C13orf42: variants seen among roughly 807,000 people sequenced by gnomAD.
C13orf42 encodes uncharacterized protein C13orf42.
intron 1 of C13orf42, among the ~76,000 whole-genome samples, chr13:51,097,550 C>CAACT (rs1392702309): frequency 6.6e-6 from 1 of 152,162 alleles, no homozygotes; most frequent in Non-Finnish European, 1.5e-5. Flanking sequence ...TTCCATGGGG[C>CAACT]TTTCTAACCT....
rs958053437 is a variant in C13orf42, at chr13:51,110,804, C to A, written c.406G>T (p.Glu136Ter). The A allele has an allele frequency of 2.5e-6, 1 of 398,552 alleles. No individual in the cohort carries two copies. 24.7% of individuals were successfully genotyped at this position (398,552 alleles called of 1,614,324 possible). ...KKTPVRSTPK[E>*]IKKATPKKYS... Reference sequence around the variant, plus strand: ...TGCTCAGCAGCACTTACCTTTATTTCTTTGGGAGTAGACCGGACAGGAGTC... The same window carrying A: ...TGCTCAGCAGCACTTACCTTTATTTATTTGGGAGTAGACCGGACAGGAGTC... The change falls in exon 1 of 4, where the codon GAA becomes TAA. Residue 136 changes from glutamate (E) to a stop codon, truncating the protein, a stop_gained. Coordinates refer to ENST00000563710, the MANE Select transcript of C13orf42 (RefSeq NM_001351589.3). LOFTEE classifies it high-confidence loss of function.
intron 1 of C13orf42, among the ~76,000 whole-genome samples, chr13:51,159,335 C>T (rs1319774788): frequency 6.6e-6 from 1 of 152,158 alleles, no homozygotes; most frequent in African/African-American, 2.4e-5. Flanking sequence ...ATTAAAAAAA[C>T]AGATGTCAGG....
At chr13:51,090,146 C>T (rs1002600057) in intron 1 of C13orf42, among the ~76,000 whole-genome samples, 9 of 152,142 alleles carry the variant, frequency 5.9e-5, no homozygotes, top group East Asian at 1.9e-4. Flanking sequence ...AGAAGGCTCA[C>T]ACCTGGAGGT....
chr13:51,122,299 C>T (rs1457492444), intron 1 of C13orf42, among the ~76,000 whole-genome samples: 2 of 151,668 alleles, frequency 1.3e-5, no homozygotes, highest in African/African-American at 2.4e-5. Context: ...TTTGGGAGGC[C>T]GAGGCAGGTG....
At chr13:51,146,120 A>G (rs1193302083) in intron 1 of C13orf42, among the ~76,000 whole-genome samples, 1 of 152,220 alleles carries the variant, frequency 6.6e-6, no homozygotes, top group Non-Finnish European at 1.5e-5. Flanking sequence ...CTCATGTTAA[A>G]TGTTCTTACC....
chr13:51,129,837 T>C (rs1953603273), intron 1 of C13orf42, among the ~76,000 whole-genome samples: 1 of 152,118 alleles, frequency 6.6e-6, no homozygotes, highest in Non-Finnish European at 1.5e-5. Flanking sequence ...CTCTTCAAGA[T>C]GGCCTAGTAA....
At chr13:51,125,099 T>C (rs1176542406) in intron 1 of C13orf42, among the ~76,000 whole-genome samples, 1 of 152,196 alleles carries the variant, frequency 6.6e-6, no homozygotes, top group Non-Finnish European at 1.5e-5. Flanking sequence ...AAAGGTACAG[T>C]ACCTGCTAGC....
At chr13:51,126,949 G>A (rs1375561083) in intron 1 of C13orf42, among the ~76,000 whole-genome samples, 1 of 152,182 alleles carries the variant, frequency 6.6e-6, no homozygotes, top group Admixed American at 6.5e-5. Context: ...TGGATTCTTT[G>A]AGCCAAGGAG....
At chr13:51,118,787 G>C (rs192866256) in intron 1 of C13orf42, among the ~76,000 whole-genome samples, 1 of 152,148 alleles carries the variant, frequency 6.6e-6, no homozygotes, top group African/African-American at 2.4e-5. Context: ...GTAGCCTAGG[G>C]TGCTAGTGAC....
At chr13:51,086,542 C>A (rs1329133475) in intron 2 of C13orf42, among the ~76,000 whole-genome samples, 1 of 151,606 alleles carries the variant, frequency 6.6e-6, no homozygotes, top group East Asian at 1.9e-4. Context: ...AAACCACACT[C>A]AAAAAGACAT....
At chr13:51,149,820 G>A (rs182745616) in intron 1 of C13orf42, among the ~76,000 whole-genome samples, 8 of 152,152 alleles carry the variant, frequency 5.3e-5, no homozygotes, top group African/African-American at 1.7e-4. Flanking sequence ...TCTGTAGGAA[G>A]GCTTTCTCTG....
chr13:51,122,057 G>A (rs1480329974), intron 1 of C13orf42, among the ~76,000 whole-genome samples: 2 of 152,070 alleles, frequency 1.3e-5, no homozygotes, highest in Non-Finnish European at 2.9e-5. Flanking sequence ...CAAATGTGTT[G>A]TTTTGAAGTC....
chr13:51,091,931 T>C (rs1356553291), intron 1 of C13orf42, among the ~76,000 whole-genome samples: 1 of 152,184 alleles, frequency 6.6e-6, no homozygotes, highest in Non-Finnish European at 1.5e-5. Context: ...AGACTCCTCA[T>C]GTCTTTGTGT....
chr13:51,160,404 G>T (rs1281305892), intron 1 of C13orf42, among the ~76,000 whole-genome samples: 1 of 152,208 alleles, frequency 6.6e-6, no homozygotes, highest in Admixed American at 6.5e-5. Flanking sequence ...CAGCTACTCG[G>T]GAGGCTGAGG....
intron 1 of C13orf42, among the ~76,000 whole-genome samples, chr13:51,139,247 G>A (rs369352291): frequency 4.6e-5 from 7 of 152,124 alleles, no homozygotes; most frequent in Admixed American, 2.6e-4. Context: ...CCTGGGAGGC[G>A]GAGGTTGCAG....
At chr13:51,131,445 C>G (rs1340956971) in intron 1 of C13orf42, among the ~76,000 whole-genome samples, 1 of 152,188 alleles carries the variant, frequency 6.6e-6, no homozygotes, top group Non-Finnish European at 1.5e-5. Flanking sequence ...TACACAGTCC[C>G]TGTACAGGTT....
At chr13:51,117,798 C>T (rs538876620) in intron 1 of C13orf42, among the ~76,000 whole-genome samples, 5 of 152,118 alleles carry the variant, frequency 3.3e-5, no homozygotes, top group South Asian at 4.1e-4. Context: ...TTATTTTTCT[C>T]TTGTGTAACA....
Position 51,085,406 on chromosome 13 carries a change from C to T in C13orf42, c.716G>A (p.Arg239Lys). Residue 239 changes from arginine (R) to lysine (K), a missense_variant, in exon 3 of 4, where the codon AGA becomes AAA. Physicochemically the swap from Arg to Lys is conservative, Grantham distance 26. Transcript: ENST00000563710. ...TEHRTVGTQR[R>K]LERHPIYLPK... is the part of the protein sequence containing the mutation. ...CAAATAAATGGGGTGCCTCTCGAGT[C>T]TCCTCTGAGTGCCCACGGTCCTGTG... The T allele has an allele frequency of 5.0e-6, 2 of 398,594 alleles. No individual in the cohort carries two copies. The allele number at this position is 398,594 out of a possible 1,614,324, so 24.7% of individuals were successfully genotyped here. A position where few individuals can be genotyped will look rare whatever the true frequency, so the allele number is the denominator to read the frequency against.
intron 1 of C13orf42, among the ~76,000 whole-genome samples, chr13:51,106,572 G>A (rs1351166568): frequency 2.0e-5 from 3 of 152,128 alleles, no homozygotes; most frequent in Non-Finnish European, 4.4e-5. Context: ...CCAAGCCCCA[G>A]TTTTCCCCTT....
Sources: allele counts gnomAD v4.1 joint callset (sites outside exome capture counted in the v4.1 genomes callset), GRCh38; gene constraint gnomAD v4.1.1; transcripts MANE v1.5; gene names NCBI Gene and HGNC (gene_info 2026-07-23, HGNC 2026-07-21).